Variants in ZBTB40 observed in about 807,000 individuals in gnomAD.
The protein encoded by ZBTB40 is zinc finger and BTB domain-containing protein 40.
ZBTB40 carries 60 observed loss-of-function variants against 117.5 expected under a neutral mutation model. That is an observed-to-expected ratio of 0.51 (90% confidence interval 0.41 to 0.63). The LOEUF is 0.63. Ranked by LOEUF, ZBTB40 falls within the 30% of genes least tolerant of loss-of-function variation. The pLI is 0.00. For synonymous variants in ZBTB40, 525 were observed against 577.1 expected (o/e 0.91, Z 1.29); for missense variants, 1,287 against 1,498.5 (o/e 0.86, Z 2.33).
chr1:22,462,893 G>C (rs1410228001), intron 1 of ZBTB40, among the ~76,000 whole-genome samples: 2 of 152,142 alleles, frequency 1.3e-5, no homozygotes, highest in African/African-American at 4.8e-5. Context: ...GACATATATA[G>C]AAGATACATA....
chr1:22,490,694 A>T, intron 2 of ZBTB40, 49 bp downstream of exon 2: 2 of 1,594,994 alleles, frequency 1.3e-6, no homozygotes, highest in South Asian at 1.1e-5. Context: ...AATGATCTTT[A>T]TCAGTTTTAA....
chr1:22,476,588 T>C (rs1641554069), intron 1 of ZBTB40, among the ~76,000 whole-genome samples: 1 of 152,252 alleles, frequency 6.6e-6, no homozygotes, highest in Non-Finnish European at 1.5e-5. Flanking sequence ...TTCTTTGTGC[T>C]CCTTTTGGAA....
At chr1:22,451,501 A>G (rs1640868245), upstream of ZBTB40, among the ~76,000 whole-genome samples, 1 of 151,712 alleles carries the variant, frequency 6.6e-6, no homozygotes, top group Non-Finnish European at 1.5e-5. Flanking sequence ...AAAAATTAGC[A>G]GGGCGTGGTG....
At chr1:22,521,709 C>T in intron 15 of ZBTB40, 51 bp downstream of exon 15, 1 of 1,611,066 alleles carries the variant, frequency 6.2e-7, no homozygotes, top group Non-Finnish European at 8.5e-7. Context: ...GATGGTGTAG[C>T]CTCCTGGGCC....
intron 1 of ZBTB40, among the ~76,000 whole-genome samples, chr1:22,458,488 C>A (rs1641056011): frequency 6.6e-6 from 1 of 152,232 alleles, no homozygotes; most frequent in Non-Finnish European, 1.5e-5. Flanking sequence ...TCTCCCTGGA[C>A]TTCCCTGCTG....
intron 14 of ZBTB40, among the ~76,000 whole-genome samples, chr1:22,520,936 C>CCCTA (rs1639504961): frequency 6.6e-6 from 1 of 152,210 alleles, no homozygotes; most frequent in Non-Finnish European, 1.5e-5. Flanking sequence ...TGGGCTTGAG[C>CCCTA]CCTAGGATGG....
At chr1:22,479,924 G>A (rs1638242538) in intron 1 of ZBTB40, among the ~76,000 whole-genome samples, 1 of 151,570 alleles carries the variant, frequency 6.6e-6, no homozygotes, top group African/African-American at 2.4e-5. Context: ...TTTTTTTGGG[G>A]GGGACAGAGT....
At position 22,490,542 on chromosome 1, in the gene ZBTB40, G is replaced by A; in HGVS notation, c.594G>A (p.Arg198=). The A allele has an allele frequency of 6.2e-7, 1 of 1,612,898 alleles. No individual in the cohort carries two copies. The change falls in exon 2 of 18, where the codon AGG becomes AGA. Residue 198 remains arginine, a synonymous_variant. Transcript: ENST00000375647. ...CTCCCACAGCCCAGGAGAGCCAGAG[G>A]AATGCAGAAACCCCAGCGGAGACTC... ...VNSPTAQESQ[R]NAETPAETPT... is the part of the protein sequence containing the mutation.
intron 1 of ZBTB40, among the ~76,000 whole-genome samples, chr1:22,471,270 A>G (rs1641397660): frequency 6.6e-6 from 1 of 152,178 alleles, no homozygotes; most frequent in African/African-American, 2.4e-5. Flanking sequence ...CAGCAGAAAA[A>G]ACAAGGAGCC....
At chr1:22,483,252 A>G (rs1404922244) in intron 1 of ZBTB40, among the ~76,000 whole-genome samples, 2 of 152,068 alleles carry the variant, frequency 1.3e-5, no homozygotes, top group Non-Finnish European at 2.9e-5. Context: ...AAGCTGCTTT[A>G]TAAGTATCAT....
At chr1:22,505,175 A>G (rs999568069) in intron 5 of ZBTB40, among the ~76,000 whole-genome samples, 1 of 152,206 alleles carries the variant, frequency 6.6e-6, no homozygotes, top group Non-Finnish European at 1.5e-5. Flanking sequence ...TCCCAAAGGA[A>G]AGCTCAAAAT....
rs761466349 is a variant in ZBTB40, at chr1:22,506,229, C to G, written c.1348C>G (p.Pro450Ala). The change falls in exon 6 of 18, where the codon CCA becomes GCA. Residue 450 changes from proline to alanine, a missense_variant. Coordinates refer to ENST00000375647, the MANE Select transcript of ZBTB40 (RefSeq NM_014870.4). ...LEKLQKSATL[P>A]STTVQPSPDD... ...GAAGTTGCAGAAATCAGCCACTTTG[C>G]CAAGCACCACAGGTATTAGTAAATT... 1.5e-5 allele frequency: 24 copies of G among 1,614,006 alleles called. 1 individual carries two copies. In the South Asian group the frequency reaches 2.5e-4, roughly 17 times the overall value.
At chr1:22,517,608 C>T (rs1483891202) in intron 13 of ZBTB40, 144 bp downstream of exon 13, 1 of 925,170 alleles carries the variant, frequency 1.1e-6, no homozygotes, top group African/African-American at 1.7e-5. Flanking sequence ...AACCCAGAGT[C>T]CCTCATTCCT....
At chr1:22,517,681 G>C in intron 13 of ZBTB40, 1 of 589,018 alleles carries the variant, frequency 1.7e-6, no homozygotes, top group African/African-American at 1.8e-5. Flanking sequence ...TGGCCAGGCT[G>C]TTTCCCTGTC....
rs145925370 is a variant in ZBTB40, at chr1:22,454,827, A to G, written c.-70+2823A>G. Among the ~76,000 whole-genome samples the G allele has an allele frequency of 4.6e-5, 7 of 152,368 alleles. No individual in the cohort carries two copies. In the East Asian group the frequency reaches 5.8e-4, roughly 13 times the overall value. ...AATAAGAGAAACTGTATTCATAGCTATGGTATTTTCTTTTTGTTGTTGTTA... is the reference window on the plus strand; with the variant it reads ...AATAAGAGAAACTGTATTCATAGCTGTGGTATTTTCTTTTTGTTGTTGTTA... On this transcript the variant is annotated intron_variant, in intron 1 of 17. Transcript: ENST00000375647.
chr1:22,522,530 A>T, intron 16 of ZBTB40, 67 bp downstream of exon 16: 1 of 1,495,772 alleles, frequency 6.7e-7, no homozygotes, highest in South Asian at 1.1e-5. Flanking sequence ...CACCACTTGC[A>T]GCTTTGCAAC....
chr1:22,432,303 A>G (rs183447885), intron 1 of ZBTB40, among the ~76,000 whole-genome samples: 30 of 152,252 alleles, frequency 2.0e-4, no homozygotes, highest in Non-Finnish European at 3.7e-4. Flanking sequence ...ACACTCCCCA[A>G]TGAGGTCTGC....
chr1:22,512,431 A>G (rs1437476290), intron 11 of ZBTB40, among the ~76,000 whole-genome samples: 1 of 152,224 alleles, frequency 6.6e-6, no homozygotes, highest in African/African-American at 2.4e-5. Flanking sequence ...CAGAGTGAGC[A>G]CACAATAACT....
At chr1:22,495,023 G>A (rs1638735462) in intron 3 of ZBTB40, among the ~76,000 whole-genome samples, 1 of 152,140 alleles carries the variant, frequency 6.6e-6, no homozygotes, top group African/African-American at 2.4e-5. Flanking sequence ...AGCTTTGAGT[G>A]GTATCCTGTG....
Sources: allele counts gnomAD v4.1 joint callset (sites outside exome capture counted in the v4.1 genomes callset), GRCh38; gene constraint gnomAD v4.1.1; transcripts MANE v1.5; gene names NCBI Gene and HGNC (gene_info 2026-07-23, HGNC 2026-07-21).